Variants in KDM4B observed in about 807,000 individuals in gnomAD.
KDM4B encodes the protein lysine-specific demethylase 4B.
In KDM4B, 32 loss-of-function variants were observed where a neutral mutation model predicts 125.2. That is an observed-to-expected ratio of 0.26 (90% CI 0.19 to 0.34). KDM4B has a LOEUF of 0.34. Ranked by LOEUF, KDM4B falls within the 10% of genes least tolerant of loss-of-function variation. The probability of loss-of-function intolerance (pLI) is 1.00; values close to 1 mark genes in which losing one functional copy is unlikely to be tolerated. For missense variants in KDM4B, 1,190 were observed against 1,577.7 expected (o/e 0.75, Z 4.16); for synonymous variants, 721 against 677.9 (o/e 1.06, Z -0.99).
chr19:5,129,485 C>T (rs765475649), intron 11 of KDM4B, among the ~76,000 whole-genome samples: 1 of 152,320 alleles, frequency 6.6e-6, no homozygotes, highest in African/African-American at 2.4e-5. Context: ...GCGCTGTGCT[C>T]CAAACCAGAC....
intron 1 of KDM4B, among the ~76,000 whole-genome samples, chr19:4,970,464 C>A (rs913823940): frequency 6.6e-6 from 1 of 152,132 alleles, no homozygotes; most frequent in Non-Finnish European, 1.5e-5. Flanking sequence ...GGTGCCTGCA[C>A]TGTCTTGGGA....
intron 9 of KDM4B, among the ~76,000 whole-genome samples, chr19:5,087,619 T>C (rs1414535078): frequency 6.6e-6 from 1 of 152,212 alleles, no homozygotes. Flanking sequence ...TGGTGTGGCC[T>C]TCTAGGCCCA....
intron 9 of KDM4B, among the ~76,000 whole-genome samples, chr19:5,094,165 C>T (rs2038770686): frequency 6.6e-6 from 1 of 152,210 alleles, no homozygotes; most frequent in Non-Finnish European, 1.5e-5. Context: ...GTCCTCTTGT[C>T]TGCTTCTAAG....
At chr19:5,130,898 C>T (rs1164769806) in intron 11 of KDM4B, among the ~76,000 whole-genome samples, 178 bp from the exon 12 acceptor site, 4 of 152,256 alleles carry the variant, frequency 2.6e-5, no homozygotes, top group Admixed American at 1.3e-4. Context: ...CCAGGTGCCC[C>T]TGCGGTGATC....
At chr19:4,988,237 C>T (rs1429781928) in intron 1 of KDM4B, among the ~76,000 whole-genome samples, 2 of 152,238 alleles carry the variant, frequency 1.3e-5, no homozygotes, top group East Asian at 3.9e-4. Context: ...TCCTGAGCTT[C>T]TGCTGGACGC....
intron 14 of KDM4B, among the ~76,000 whole-genome samples, chr19:5,134,801 G>A (rs1203796602): frequency 6.6e-6 from 1 of 152,142 alleles, no homozygotes; most frequent in Non-Finnish European, 1.5e-5. Context: ...TGTGCCGAGG[G>A]TGGTGAGCCT....
chr19:5,108,240 G>A (rs1269037923), intron 9 of KDM4B, among the ~76,000 whole-genome samples: 3 of 152,204 alleles, frequency 2.0e-5, no homozygotes, highest in South Asian at 2.1e-4. Context: ...TGGGGATGCC[G>A]GGGCAGTCGG....
intron 1 of KDM4B, among the ~76,000 whole-genome samples, chr19:4,992,851 T>C (rs2035071874): frequency 6.6e-6 from 1 of 152,224 alleles, no homozygotes; most frequent in Admixed American, 6.5e-5. Flanking sequence ...TAGGAGTATG[T>C]TGGTTAATTT....
At chr19:5,148,372 G>T (rs2613791) in intron 21 of KDM4B, among the ~76,000 whole-genome samples, 1 of 151,988 alleles carries the variant, frequency 6.6e-6, no homozygotes, top group Non-Finnish European at 1.5e-5. Context: ...ACTTGGACCC[G>T]GCAGTGTGAG....
chr19:5,013,157 G>T (rs192229782), intron 1 of KDM4B, among the ~76,000 whole-genome samples: 1 of 152,362 alleles, frequency 6.6e-6, no homozygotes, highest in East Asian at 1.9e-4. Flanking sequence ...GCTGAGGTCT[G>T]TCCAGCTGAG....
Position 5,115,464 on chromosome 19 carries a change from C to T in KDM4B, c.1116-4189C>T, listed in dbSNP as rs2039237118. Among the ~76,000 whole-genome samples, 1 of 152,194 alleles carries T rather than the reference C, an allele frequency of 6.6e-6. No homozygotes were observed. The highest frequency in any genetic ancestry group is 2.4e-5 in the African/African-American group (1 of 41,456). On this transcript the variant is annotated intron_variant, in intron 10 of 22. Transcript: ENST00000159111. This position sits in a 1 kb window ranked among gnomAD's most constrained non-coding sequence, Gnocchi z 4.2. ...ACAAAGGGGCCCAGTGGAGCAAAGC[C>T]ACATATGCTGATACTGGGGCTCTCC...
rs747875027 is a variant in KDM4B, at chr19:5,151,497, G to A, written c.3277G>A (p.Gly1093Arg). ...ESLLQVQGRPGAPF is the reference protein window; with the variant it reads ...ESLLQVQGRPRAPF Reference sequence around the variant, plus strand: ...CCTCCTGCAGGTGCAGGGCCGGCCCGGAGCCCCCTTCTAGGACAGCTGGCC... The same window carrying A: ...CCTCCTGCAGGTGCAGGGCCGGCCCAGAGCCCCCTTCTAGGACAGCTGGCC... Residue 1093 changes from glycine to arginine, a missense_variant, in exon 23 of 23, where the codon GGA becomes AGA. This residue lies in a region of KDM4B where 109 missense variants were observed against 93.8 expected (regional missense o/e 1.16). Coordinates refer to ENST00000159111, the MANE Select transcript of KDM4B (RefSeq NM_015015.3). 89 of 1,443,202 alleles carry A rather than the reference G, an allele frequency of 6.2e-5. No individual in the cohort carries two copies. Among genetic ancestry groups the A allele is most frequent in the Non-Finnish European group, 7.5e-5 (82 of 1,094,746 alleles). 89.4% of individuals were successfully genotyped at this position (1,443,202 alleles called of 1,614,324 possible). A position where few individuals can be genotyped will look rare whatever the true frequency, so the allele number is the denominator to read the frequency against.
intron 1 of KDM4B, among the ~76,000 whole-genome samples, chr19:5,001,089 T>G (rs922130617): frequency 6.6e-6 from 1 of 151,664 alleles, no homozygotes; most frequent in African/African-American, 2.4e-5. Context: ...TGGAGTGCAG[T>G]GGTGTAATCA....
chr19:5,013,239 G>A (rs1022407471), intron 1 of KDM4B, among the ~76,000 whole-genome samples: 7 of 152,294 alleles, frequency 4.6e-5, no homozygotes, highest in Middle Eastern at 3.4e-3. Flanking sequence ...GTCGTGCAGC[G>A]GGGGAGAGAG....
chr19:5,117,587 C>A (rs1231619756), intron 10 of KDM4B, among the ~76,000 whole-genome samples: 3 of 152,186 alleles, frequency 2.0e-5, no homozygotes, highest in Non-Finnish European at 4.4e-5. Context: ...CTGTCTCCAT[C>A]TGGGGCAGGC....
At position 5,051,802 on chromosome 19, in the gene KDM4B, C is replaced by G. The variant is rs760104816; in HGVS notation, c.626+4133C>G. 3.2e-4 allele frequency among the ~76,000 whole-genome samples: 49 copies of G among 152,348 alleles called. 1 individual carries two copies. The highest frequency in any genetic ancestry group is 3.4e-3 in the Middle Eastern group (1 of 294). Reference sequence around the variant, plus strand: ...CTGCGACCTTGACCTGCCCATGACCCGCGGCAGTCTGGAAATCCCCCATTG... The same window carrying G: ...CTGCGACCTTGACCTGCCCATGACCGGCGGCAGTCTGGAAATCCCCCATTG... On this transcript the variant is annotated intron_variant, in intron 6 of 22. Coordinates refer to ENST00000159111, the MANE Select transcript of KDM4B (RefSeq NM_015015.3).
intron 15 of KDM4B, 111 bp from the exon 16 acceptor site, chr19:5,137,151 C>T (rs2039662186): frequency 4.1e-6 from 3 of 723,468 alleles, no homozygotes; most frequent in Non-Finnish European, 4.8e-6. Context: ...CCTCGTCACT[C>T]CACATACGGA....
At chr19:5,109,752 T>C (rs1250806185) in intron 9 of KDM4B, among the ~76,000 whole-genome samples, 3 of 152,168 alleles carry the variant, frequency 2.0e-5, no homozygotes, top group African/African-American at 7.2e-5. Context: ...AGGTGAGGCG[T>C]GCGGGAGCCT....
At chr19:5,111,401 G>A in intron 10 of KDM4B, 1 of 765,298 alleles carries the variant, frequency 1.3e-6, no homozygotes, top group East Asian at 2.4e-5. Context: ...TCGCCGCACA[G>A]ACCCTCCCAG....
Sources: allele counts gnomAD v4.1 joint callset (sites outside exome capture counted in the v4.1 genomes callset), GRCh38; gene constraint gnomAD v4.1.1; regional missense constraint gnomAD v4.1.1; non-coding constraint Gnocchi (gnomAD v3.1); transcripts MANE v1.5; gene names NCBI Gene and HGNC (gene_info 2026-07-23, HGNC 2026-07-21).